Variants in WNT7B observed in about 807,000 individuals in gnomAD.
WNT7B encodes the protein Wnt family member 7B.
WNT7B carries 19 observed loss-of-function variants against 38.2 expected under a neutral mutation model. The ratio of observed to expected loss-of-function variants is 0.50; its 90% confidence interval spans 0.35 to 0.73. The LOEUF is 0.73. Ranked by LOEUF, WNT7B falls within the 30% of genes least tolerant of loss-of-function variation. The probability of loss-of-function intolerance (pLI) is 0.01; values close to 1 mark genes in which losing one functional copy is unlikely to be tolerated. For synonymous variants in WNT7B, 243 were observed against 209.3 expected (o/e 1.16, Z -1.39); for missense variants, 423 against 507.9 (o/e 0.83, Z 1.61).
chr22:45,972,116 G>GGGCCCCCCCCCCCCCCCCCCCCCCCC, intron 1 of WNT7B: 3 of 530,740 alleles, frequency 5.7e-6, no homozygotes, highest in Non-Finnish European at 9.9e-6. Context: ...CCCGGGGGGA[G>GGGCCCCCCCCCCCCCCCCCCCCCCCC]CCCACCCGCC....
intron 3 of WNT7B, among the ~76,000 whole-genome samples, chr22:45,929,969 C>CACTCATACATCT (rs2146711736): frequency 6.6e-6 from 1 of 151,626 alleles, no homozygotes; most frequent in African/African-American, 2.4e-5. Context: ...TACATCTATC[C>CACTCATACATCT]ATCCATCCAA....
chr22:45,964,319 A>ATC (rs1426006462), intron 1 of WNT7B, among the ~76,000 whole-genome samples: 1 of 152,108 alleles, frequency 6.6e-6, no homozygotes, highest in Non-Finnish European at 1.5e-5. Flanking sequence ...ATGCGACTCC[A>ATC]TCCCCAGGGC....
chr22:45,932,509 G>T (rs900665210), intron 2 of WNT7B, among the ~76,000 whole-genome samples: 1 of 152,040 alleles, frequency 6.6e-6, no homozygotes, highest in African/African-American at 2.4e-5. Context: ...AGCCCTACCA[G>T]CGGGGACTTC....
intron 2 of WNT7B, among the ~76,000 whole-genome samples, chr22:45,947,840 C>T (rs533553870): frequency 1.3e-5 from 2 of 152,254 alleles, no homozygotes; most frequent in East Asian, 3.9e-4. Flanking sequence ...CTTAGGTGGG[C>T]TCCCTAGCAG....
intron 2 of WNT7B, among the ~76,000 whole-genome samples, chr22:45,948,191 G>A (rs1234863496): frequency 6.6e-6 from 1 of 152,238 alleles, no homozygotes; most frequent in East Asian, 1.9e-4. Flanking sequence ...CTGCCTCTGA[G>A]CCCGCCAGCT....
At chr22:45,941,297 A>C (rs912094513) in intron 2 of WNT7B, among the ~76,000 whole-genome samples, 1 of 152,070 alleles carries the variant, frequency 6.6e-6, no homozygotes, top group African/African-American at 2.4e-5. Flanking sequence ...ATCACCTGAG[A>C]TCAGGGGTTT....
Position 45,975,709 on chromosome 22 carries a change from C to G in WNT7B, c.71+975G>C. The G allele has an allele frequency of 4.0e-6, 2 of 506,138 alleles. No homozygotes were observed. The highest frequency in any genetic ancestry group is 6.0e-5 in the South Asian group (2 of 33,512). The allele number at this position is 506,138 out of a possible 1,614,324, so 31.4% of individuals were successfully genotyped here. A position where few individuals can be genotyped will look rare whatever the true frequency, so the allele number is the denominator to read the frequency against. On this transcript the variant is annotated intron_variant, in intron 1 of 3. Coordinates refer to ENST00000339464, the MANE Select transcript of WNT7B (RefSeq NM_058238.3). The surrounding 1 kb of genome is among the most constrained non-coding windows in gnomAD (Gnocchi z 6.6). ...CCTTGCCTGTGGCCTGGACGGGGCT[C>G]GCCTCGGGGCAGCCGGCGGCGCACA...
chr22:45,943,958 C>A (rs985138748), intron 2 of WNT7B, among the ~76,000 whole-genome samples: 2 of 152,122 alleles, frequency 1.3e-5, no homozygotes, highest in African/African-American at 4.8e-5. Flanking sequence ...CCTTTGCCCA[C>A]GGAACCCACG....
chr22:45,956,971 T>C (rs1932079009), intron 1 of WNT7B, among the ~76,000 whole-genome samples: 1 of 152,152 alleles, frequency 6.6e-6, no homozygotes, highest in Non-Finnish European at 1.5e-5. Flanking sequence ...CTGGGCGTGG[T>C]GGCGTGTGCC....
At chr22:45,932,302 T>TC (rs368799199) in intron 2 of WNT7B, among the ~76,000 whole-genome samples, 1 of 152,210 alleles carries the variant, frequency 6.6e-6, no homozygotes, top group African/African-American at 2.4e-5. Flanking sequence ...GCTGCTCACA[T>TC]CCCCTGGGGA....
intron 3 of WNT7B, among the ~76,000 whole-genome samples, chr22:45,924,737 G>A (rs1931024263): frequency 6.7e-6 from 1 of 149,834 alleles, no homozygotes; most frequent in Non-Finnish European, 1.5e-5. Context: ...AGACTGGCAG[G>A]TGGGTGCCGG....
At position 45,929,110 on chromosome 22, in the gene WNT7B, T is replaced by G. The variant is rs1237428564; in HGVS notation, c.570+1988A>C. 3.3e-5 allele frequency among the ~76,000 whole-genome samples: 5 copies of G among 152,176 alleles called. No individual in the cohort carries two copies. The South Asian group carries it at 6.2e-4, about 19-fold the overall frequency. ...AGGCTCTGCTCAGAACCTAAGCAGC[T>G]GCAGAGGCTCGAGGATGGTGGTGGT... is the stretch of plus-strand genomic sequence containing the variant. On this transcript the variant is annotated intron_variant, in intron 3 of 3. Transcript: ENST00000339464.
chr22:45,952,562 G>A (rs767708064), intron 1 of WNT7B, among the ~76,000 whole-genome samples: 7 of 152,266 alleles, frequency 4.6e-5, no homozygotes, highest in Non-Finnish European at 7.3e-5. Context: ...GAACCCTGCC[G>A]GGCACCCTGT....
chr22:45,921,026 G>C lies in WNT7B; in HGVS notation c.*1830C>G, dbSNP rs564206157. On this transcript the variant is annotated 3_prime_UTR_variant, in exon 4 of 4. Transcript: ENST00000339464. Reference sequence around the variant, plus strand: ...GCACATGGGCTGGACCACAGGGCCAGAGCCCAGGAGGGACCCACTTGCCCC... The same window carrying C: ...GCACATGGGCTGGACCACAGGGCCACAGCCCAGGAGGGACCCACTTGCCCC... The C allele has an allele frequency of 1.3e-5, 2 of 152,310 alleles. No homozygotes were observed. Among genetic ancestry groups the C allele is most frequent in the Admixed American group, 6.5e-5 (1 of 15,306 alleles). 9.4% of individuals were successfully genotyped at this position (152,310 alleles called of 1,614,324 possible).
At position 45,976,728 on chromosome 22, in the gene WNT7B, A is replaced by G; in HGVS notation, c.27T>C (p.Ile9=). 1 of 1,610,094 alleles carries G rather than the reference A, an allele frequency of 6.2e-7. No homozygotes were observed. Among genetic ancestry groups the G allele is most frequent in the Non-Finnish European group, 8.5e-7 (1 of 1,177,796 alleles). MHRNFRKW[I]FYVFLCFGVL... ...CGCCAAAGCAGAGAAACACGTAGAA[A>G]ATCCACTTGCGAAAGTTTCTGTGCA... Residue 9 remains isoleucine (I), a synonymous_variant, in exon 1 of 4, where the codon ATT becomes ATC. Coordinates refer to ENST00000339464, the MANE Select transcript of WNT7B (RefSeq NM_058238.3). This position sits in a 1 kb window ranked among gnomAD's most constrained non-coding sequence, Gnocchi z 8.5.
chr22:45,943,533 G>C lies in WNT7B; in HGVS notation c.298+6387C>G, dbSNP rs76049478. Among the ~76,000 whole-genome samples the C allele has an allele frequency of 6.5e-3, 989 of 152,272 alleles. 7 individuals are homozygous for C. The highest frequency in any genetic ancestry group is 0.022 in the African/African-American group (930 of 41,556). Reference sequence around the variant, plus strand: ...TCCAGCCCAGGGTGGCCTGCCCTCGGGAGTGCTCTGGCAAAGCCAGCAACT... The same window carrying C: ...TCCAGCCCAGGGTGGCCTGCCCTCGCGAGTGCTCTGGCAAAGCCAGCAACT... On this transcript the variant is annotated intron_variant, in intron 2 of 3. Transcript: ENST00000339464.
At chr22:45,940,984 G>A (rs28542258) in intron 2 of WNT7B, among the ~76,000 whole-genome samples, 4 of 152,246 alleles carry the variant, frequency 2.6e-5, no homozygotes, top group African/African-American at 9.6e-5. Flanking sequence ...GTTGCCCTCA[G>A]AGAAGACCTT....
chr22:45,964,884 C>T (rs1932277840), intron 1 of WNT7B, among the ~76,000 whole-genome samples: 1 of 152,184 alleles, frequency 6.6e-6, no homozygotes, highest in Admixed American at 6.5e-5. Context: ...GTCCTACAGA[C>T]TCAGCCACCT....
At chr22:45,927,399 T>A (rs753261259) in intron 3 of WNT7B, 6 of 1,525,882 alleles carry the variant, frequency 3.9e-6, no homozygotes, top group Non-Finnish European at 5.3e-6. Flanking sequence ...ATCTCACTCT[T>A]GCCCATCAGG....
Sources: allele counts gnomAD v4.1 joint callset (sites outside exome capture counted in the v4.1 genomes callset), GRCh38; gene constraint gnomAD v4.1.1; non-coding constraint Gnocchi (gnomAD v3.1); transcripts MANE v1.5; gene names NCBI Gene and HGNC (gene_info 2026-07-23, HGNC 2026-07-21).